The following USH2A variants were observed in gnomAD, a reference collection of about 807,000 sequenced individuals.
USH2A encodes the protein usherin, also known as Usher syndrome 2A (autosomal recessive, mild).
USH2A carries 443 observed loss-of-function variants against 538.9 expected under a neutral mutation model. That is an observed-to-expected ratio of 0.82 (90% CI 0.76 to 0.89). USH2A has a LOEUF of 0.89. USH2A is among the 40% of genes least tolerant of loss of function. The probability of loss-of-function intolerance (pLI) is 0.00; values close to 1 mark genes in which losing one functional copy is unlikely to be tolerated. For synonymous variants in USH2A, 2,413 were observed against 2,273.5 expected (o/e 1.06, Z -1.75); for missense variants, 6,633 against 6,324.8 (o/e 1.05, Z -1.65).
In USH2A at chr1:215,674,498, A is replaced by T; in HGVS notation, c.13413T>A (p.Asn4471Lys). The change falls in exon 63 of 72, where the codon AAT (asparagine) becomes AAA (lysine). Residue 4471 changes from asparagine to lysine, a missense_variant. Physicochemically the swap from Asn to Lys is moderately conservative, Grantham distance 94 (BLOSUM62 0). Transcript: ENST00000307340. ...EITWKPPRNPNGQIRSYELRR... is the reference protein window; with the variant it reads ...EITWKPPRNPKGQIRSYELRR... ...TAAGTTCATAACTTCTGATCTGGCC[A>T]TTTGGGTTTCTTGGAGGTTTCCAGG... The T allele has an allele frequency of 6.2e-7, 1 of 1,614,106 alleles. No individual in the cohort carries two copies.
chr1:216,288,039 G>C (rs2036920291), intron 11 of USH2A, among the ~76,000 whole-genome samples: 1 of 152,144 alleles, frequency 6.6e-6, no homozygotes, highest in South Asian at 2.1e-4. Context: ...AGCCTGTAAT[G>C]AGAGTAACAT....
chr1:216,035,155 A>G (rs1369046035), intron 32 of USH2A, among the ~76,000 whole-genome samples: 2 of 152,178 alleles, frequency 1.3e-5, no homozygotes, highest in Non-Finnish European at 2.9e-5. Context: ...ACAGCATCAA[A>G]TGCACAGCAC....
chr1:215,987,482 A>G (rs964546292), intron 35 of USH2A, among the ~76,000 whole-genome samples: 14 of 152,186 alleles, frequency 9.2e-5, no homozygotes, highest in African/African-American at 3.4e-4. Context: ...TGCCAGAGGG[A>G]ACGTGGGTGC....
At chr1:215,775,544 A>G (rs1439122605) in intron 55 of USH2A, among the ~76,000 whole-genome samples, 1 of 152,200 alleles carries the variant, frequency 6.6e-6, no homozygotes, top group African/African-American at 2.4e-5. Flanking sequence ...AAAAAGCATT[A>G]CCTATTACTA....
chr1:216,062,250 A>G (rs962720522), intron 30 of USH2A, among the ~76,000 whole-genome samples: 140 of 152,342 alleles, frequency 9.2e-4, no homozygotes, highest in African/African-American at 3.1e-3. Flanking sequence ...CTTGGAATCC[A>G]CTAAGTAAGA....
intron 20 of USH2A, among the ~76,000 whole-genome samples, chr1:216,184,157 A>G (rs994232153): frequency 1.3e-5 from 2 of 151,994 alleles, no homozygotes; most frequent in Non-Finnish European, 2.9e-5. Context: ...ACTACTTTAC[A>G]CTTCCTTAAT....
intron 30 of USH2A, among the ~76,000 whole-genome samples, chr1:216,053,039 A>G (rs1287294299): frequency 6.6e-6 from 1 of 152,218 alleles, no homozygotes; most frequent in Non-Finnish European, 1.5e-5. Context: ...ATGCGTCTGG[A>G]AAAGGTGCTA....
intron 38 of USH2A, among the ~76,000 whole-genome samples, chr1:215,917,694 A>C (rs561240189): frequency 6.9e-6 from 1 of 145,062 alleles, no homozygotes; most frequent in South Asian, 2.2e-4. Flanking sequence ...CTATAATCCC[A>C]GTATTTTGGG....
chr1:215,758,808 A>G, intron 57 of USH2A, 56 bp from the exon 58 acceptor site: 2 of 1,569,252 alleles, frequency 1.3e-6, no homozygotes, highest in Non-Finnish European at 1.7e-6. Flanking sequence ...AGACTTGAAC[A>G]ATGATTACTA....
chr1:215,755,195 T>C (rs1328453601), intron 58 of USH2A, among the ~76,000 whole-genome samples: 1 of 152,192 alleles, frequency 6.6e-6, no homozygotes, highest in African/African-American at 2.4e-5. Context: ...GAGATTCTTA[T>C]TCAGTAAATT....
chr1:216,410,017 A>G (rs1277011177), intron 3 of USH2A, among the ~76,000 whole-genome samples: 1 of 152,146 alleles, frequency 6.6e-6, no homozygotes, highest in Admixed American at 6.6e-5. Flanking sequence ...CAAATCTACA[A>G]GAAAAAAACA....
At chr1:216,394,687 T>C in intron 3 of USH2A, among the ~76,000 whole-genome samples, 1 of 151,176 alleles carries the variant, frequency 6.6e-6, no homozygotes, top group East Asian at 1.9e-4. Flanking sequence ...TCATATAGTT[T>C]ACATCAACTT....
chr1:215,782,625 A>G, intron 53 of USH2A, 113 bp downstream of exon 53: 1 of 1,130,230 alleles, frequency 8.8e-7, no homozygotes, highest in East Asian at 2.5e-5. Flanking sequence ...TTATCGGAAC[A>G]TACTTTTCTA....
In USH2A at chr1:216,217,518, G is replaced by T. The variant is rs150729680; in HGVS notation, c.3026C>A (p.Ala1009Asp). 6 of 1,613,016 alleles carry T rather than the reference G, an allele frequency of 3.7e-6. No individual in the cohort carries two copies. The highest frequency in any genetic ancestry group is 4.2e-6 in the Non-Finnish European group (5 of 1,179,390). ...CQPCNCHLSG[A>D]LNETCHLVTG... is the part of the protein sequence containing the mutation. The stretch of plus-strand genomic sequence containing the variant: ...GACCAAGTGACAGGTTTCATTCAAG[G>T]CTCCTGAGAGATGACAATTACAAGG... Residue 1009 changes from alanine to aspartate, a missense_variant, in exon 15 of 72, where the codon GCC becomes GAC. Ala to Asp is a moderately radical substitution (Grantham distance 126). Coordinates refer to ENST00000307340, the MANE Select transcript of USH2A (RefSeq NM_206933.4).
chr1:216,190,171 T>C (rs1296330357), intron 20 of USH2A, 52 bp downstream of exon 20: 1 of 1,607,236 alleles, frequency 6.2e-7, no homozygotes. Flanking sequence ...ATATTATAAG[T>C]TTTTTTTCTT....
intron 42 of USH2A, 107 bp from the exon 43 acceptor site, chr1:215,877,987 A>G: frequency 1.4e-6 from 2 of 1,481,066 alleles, no homozygotes; most frequent in South Asian, 1.1e-5. Flanking sequence ...GCGTGGAAGC[A>G]TAAAGAATAA....
intron 21 of USH2A, among the ~76,000 whole-genome samples, chr1:216,105,786 A>G (rs940830810): frequency 1.3e-5 from 2 of 151,916 alleles, no homozygotes; most frequent in African/African-American, 4.8e-5. Context: ...GATTTTTCTA[A>G]GTTATGTTTT....
At chr1:216,047,559 A>C (rs2030578003) in intron 31 of USH2A, among the ~76,000 whole-genome samples, 1 of 151,592 alleles carries the variant, frequency 6.6e-6, no homozygotes, top group African/African-American at 2.4e-5. Flanking sequence ...GGTCACAAGA[A>C]GGATTTTACA....
intron 35 of USH2A, among the ~76,000 whole-genome samples, chr1:215,976,561 G>A (rs1039712247): frequency 1.3e-5 from 2 of 152,076 alleles, no homozygotes; most frequent in African/African-American, 4.8e-5. Context: ...TGTATCTATT[G>A]AGATGATCGT....
Sources: gnomAD v4.1 joint callset for allele counts (sites outside exome capture counted in the v4.1 genomes callset) on GRCh38, gnomAD v4.1.1 for gene constraint, MANE v1.5 for transcripts, NCBI Gene and HGNC (gene_info 2026-07-23, HGNC 2026-07-21) for gene names.